The following KCNH1 variants were observed in gnomAD, a reference collection of about 807,000 sequenced individuals.
KCNH1 encodes potassium voltage-gated channel subfamily H member 1, also known as voltage-gated delayed rectifier potassium channel KCNH1.
Under a neutral mutation model 69.2 loss-of-function variants are expected in KCNH1, and 27 were observed. That is an observed-to-expected ratio of 0.39 (90% CI 0.29 to 0.54). The LOEUF (loss-of-function observed/expected upper bound fraction) is 0.54, where lower values mean the gene tolerates loss of function less well. Ranked by LOEUF, KCNH1 falls within the 20% of genes least tolerant of loss-of-function variation. The pLI is 0.68. For missense variants in KCNH1, 798 were observed against 1,261.6 expected (o/e 0.63, Z 5.57); for synonymous variants, 456 against 487.7 (o/e 0.93, Z 0.86).
chr1:211,008,827 T>C (rs1043720058), intron 6 of KCNH1, among the ~76,000 whole-genome samples: 1 of 152,228 alleles, frequency 6.6e-6, no homozygotes, highest in Non-Finnish European at 1.5e-5. Flanking sequence ...TGTACCTCAG[T>C]TTTTTAAAGT....
rs1424350676 is a variant in KCNH1, at chr1:210,919,624, G to A, written c.1462+16C>T. The stretch of plus-strand genomic sequence containing the variant: ...AGAAGAGATGGCCAACCCCACCCCA[G>A]CACTGTCATACTTACAGCCAATCAT... On this transcript the variant is annotated intron_variant, in intron 7 of 10. Transcript: ENST00000271751. This position sits in a 1 kb window ranked among gnomAD's most constrained non-coding sequence, Gnocchi z 4.2. 57 of 1,601,704 alleles carry A rather than the reference G, an allele frequency of 3.6e-5. No individual in the cohort carries two copies. The highest frequency in any genetic ancestry group is 4.8e-5 in the Non-Finnish European group (56 of 1,171,888).
chr1:210,738,386 A>G (rs1411271585), intron 10 of KCNH1, among the ~76,000 whole-genome samples: 6 of 152,090 alleles, frequency 3.9e-5, no homozygotes, highest in Non-Finnish European at 8.8e-5. Flanking sequence ...TTTGTGAACA[A>G]ATGAGAAAAT....
intron 4 of KCNH1, among the ~76,000 whole-genome samples, chr1:211,087,550 C>G (rs1448920242): frequency 6.6e-6 from 1 of 151,702 alleles, no homozygotes; most frequent in Non-Finnish European, 1.5e-5. Flanking sequence ...TGGAGCATCA[C>G]AGATTCTCAT....
At chr1:210,794,198 T>A (rs565650805) in intron 9 of KCNH1, among the ~76,000 whole-genome samples, 1 of 152,218 alleles carries the variant, frequency 6.6e-6, no homozygotes, top group South Asian at 2.1e-4. Context: ...GAATCACTTA[T>A]GCCTCTTTGT....
chr1:210,917,367 T>C (rs1687369526), intron 7 of KCNH1, among the ~76,000 whole-genome samples: 1 of 148,480 alleles, frequency 6.7e-6, no homozygotes, highest in South Asian at 2.2e-4. Flanking sequence ...GAGAGAGAGA[T>C]CACCTGACTC....
rs527756263 is a variant in KCNH1 at position 210,934,259 on chromosome 1, T to C, written c.1033-14190A>G. 3.9e-5 allele frequency among the ~76,000 whole-genome samples: 6 copies of C among 152,310 alleles called. No homozygotes were observed. In the East Asian group the frequency reaches 1.2e-3, roughly 29 times the overall value. On this transcript the variant is annotated intron_variant, in intron 6 of 10. Transcript: ENST00000271751. ...TAGAGTGAAGAGACAACCTAAAGAATGGATTTGTAAACTCTCCATCCAACA... is the reference window on the plus strand; with the variant it reads ...TAGAGTGAAGAGACAACCTAAAGAACGGATTTGTAAACTCTCCATCCAACA...
intron 7 of KCNH1, chr1:210,861,616 G>A (rs780214001): frequency 4.3e-5 from 33 of 771,170 alleles, no homozygotes; most frequent in Non-Finnish European, 7.5e-5. Flanking sequence ...GTGGTATAGA[G>A]TATAGAGTAT....
At chr1:211,036,927 G>T (rs1689909494) in intron 5 of KCNH1, among the ~76,000 whole-genome samples, 1 of 152,068 alleles carries the variant, frequency 6.6e-6, no homozygotes, top group African/African-American at 2.4e-5. Flanking sequence ...ATCCTCTCCT[G>T]CTACAACATC....
Position 210,866,855 on chromosome 1 carries a change from C to T in KCNH1, c.1462+52785G>A, listed in dbSNP as rs561168202. On this transcript the variant is annotated intron_variant, in intron 7 of 10. Coordinates refer to ENST00000271751, the MANE Select transcript of KCNH1 (RefSeq NM_172362.3). The stretch of plus-strand genomic sequence containing the variant: ...TTCATAATGGCCAAAAATGTGAAAA[C>T]AGCCCATATACCCATCAACTGATGA... Among the ~76,000 whole-genome samples, 3 of 152,092 alleles carry T rather than the reference C, an allele frequency of 2.0e-5. No homozygotes were observed. In the South Asian group the frequency reaches 6.2e-4, roughly 32 times the overall value.
intron 10 of KCNH1, among the ~76,000 whole-genome samples, chr1:210,768,621 T>C (rs933587544): frequency 6.6e-6 from 1 of 152,178 alleles, no homozygotes; most frequent in Non-Finnish European, 1.5e-5. Context: ...CAAGGTATAC[T>C]TGTTCAATGC....
chr1:211,043,059 A>G (rs1166842042), intron 5 of KCNH1, among the ~76,000 whole-genome samples: 2 of 152,182 alleles, frequency 1.3e-5, no homozygotes, highest in African/African-American at 2.4e-5. Flanking sequence ...CTAGAGAAAC[A>G]AGAACAAGCC....
Position 210,820,047 on chromosome 1 carries a change from C to T in KCNH1, c.1463-15881G>A, listed in dbSNP as rs77258341. The stretch of plus-strand genomic sequence containing the variant: ...TAGCCAATATCTGACTGCAACCGGG[C>T]TGCTCCCAAATTCTTCATCCATGGA... On this transcript the variant is annotated intron_variant, in intron 7 of 10. Coordinates refer to ENST00000271751, the MANE Select transcript of KCNH1 (RefSeq NM_172362.3). Among the ~76,000 whole-genome samples, 1,225 of 152,296 alleles carry T rather than the reference C, an allele frequency of 8.0e-3. 12 individuals carry two copies. The highest frequency in any genetic ancestry group is 0.028 in the African/African-American group (1,180 of 41,564).
At chr1:210,809,472 T>C (rs973259479) in intron 7 of KCNH1, among the ~76,000 whole-genome samples, 1 of 151,946 alleles carries the variant, frequency 6.6e-6, no homozygotes, top group Non-Finnish European at 1.5e-5. Context: ...GGTGGCCAAA[T>C]ATATATATTA....
intron 7 of KCNH1, among the ~76,000 whole-genome samples, chr1:210,880,261 C>T (rs188736373): frequency 1.3e-4 from 20 of 152,060 alleles, no homozygotes; most frequent in Non-Finnish European, 2.2e-4. Flanking sequence ...TATGGAGAGG[C>T]AAAGGACCCA....
intron 6 of KCNH1, among the ~76,000 whole-genome samples, chr1:210,948,548 G>T (rs562585727): frequency 1.3e-5 from 2 of 152,154 alleles, no homozygotes; most frequent in South Asian, 4.2e-4. Context: ...TCTAGATGGA[G>T]GTGGGGCACA....
At position 210,996,339 on chromosome 1, in the gene KCNH1, C is replaced by T. The variant is rs560009984; in HGVS notation, c.1032+22444G>A. ...AAACGGCACACCAGGAGATTATATC[C>T]GGCACCTGGTTCGGAGGGTCCTACG... On this transcript the variant is annotated intron_variant, in intron 6 of 10. Transcript: ENST00000271751. 1.8e-4 allele frequency among the ~76,000 whole-genome samples: 27 copies of T among 152,308 alleles called. No individual in the cohort carries two copies. The South Asian group carries it at 3.1e-3, about 18-fold the overall frequency.
intron 5 of KCNH1, among the ~76,000 whole-genome samples, chr1:211,049,840 C>T (rs1690163791): frequency 6.6e-6 from 1 of 152,134 alleles, no homozygotes; most frequent in Admixed American, 6.5e-5. Flanking sequence ...AGAATGGGCC[C>T]TAACAAGGGT....
Position 211,031,710 on chromosome 1 carries a change from AC to A in KCNH1, c.559-12455del, listed in dbSNP as rs1485047288. Among the ~76,000 whole-genome samples, 4 of 152,150 alleles carry A rather than the reference AC, an allele frequency of 2.6e-5. No homozygotes were observed. In the East Asian group the frequency reaches 7.7e-4, roughly 29 times the overall value. ...AAAAGGCCTTTAACAAAATTCAACAACCCTTCCTGCTAAAAACTCTCAATCA... is the reference window on the plus strand; with the variant it reads ...AAAAGGCCTTTAACAAAATTCAACAACCTTCCTGCTAAAAACTCTCAATCA... On this transcript the variant is annotated intron_variant, in intron 5 of 10. Coordinates refer to ENST00000271751, the MANE Select transcript of KCNH1 (RefSeq NM_172362.3).
At chr1:210,953,885 A>G (rs908032322) in intron 6 of KCNH1, among the ~76,000 whole-genome samples, 1 of 152,116 alleles carries the variant, frequency 6.6e-6, no homozygotes, top group African/African-American at 2.4e-5. Context: ...TGCCTTCATA[A>G]CTTAGCATAA....
Sources: allele counts gnomAD v4.1 joint callset (sites outside exome capture counted in the v4.1 genomes callset), GRCh38; gene constraint gnomAD v4.1.1; non-coding constraint Gnocchi (gnomAD v3.1); transcripts MANE v1.5; gene names NCBI Gene and HGNC (gene_info 2026-07-23, HGNC 2026-07-21).